The following HNRNPM variants were observed in gnomAD, a reference collection of about 807,000 sequenced individuals.
HNRNPM encodes the protein CEA receptor.
In HNRNPM, 11 loss-of-function variants were observed where a neutral mutation model predicts 73.1. The observed-to-expected ratio is 0.15, with a 90% CI of 0.09 to 0.25. The LOEUF (loss-of-function observed/expected upper bound fraction) is 0.25. Ranked by LOEUF, HNRNPM falls within the 10% of genes least tolerant of loss-of-function variation. HNRNPM has a pLI of 1.00. For synonymous variants in HNRNPM, 407 were observed against 355.2 expected, an observed-to-expected ratio of 1.15 and a Z score of -1.64; for missense variants, 789 against 1,067.9, an observed-to-expected ratio of 0.74 and a Z score of 3.64.
intron 13 of HNRNPM, 40 bp from the exon 14 acceptor site, chr19:8,485,563 A>C: frequency 1.9e-6 from 3 of 1,572,524 alleles, no homozygotes; most frequent in Non-Finnish European, 2.6e-6. Context: ...CGCACACTCA[A>C]GTTCTTGACA....
intron 12 of HNRNPM, among the ~76,000 whole-genome samples, chr19:8,476,196 G>A (rs934171260): frequency 9.2e-5 from 14 of 152,064 alleles, no homozygotes; most frequent in Non-Finnish European, 5.9e-5. Context: ...TCTGAGATAC[G>A]GCACTCGGAG....
chr19:8,463,314 A>G (rs1969514480), intron 3 of HNRNPM, among the ~76,000 whole-genome samples, 183 bp from the exon 4 acceptor site: 1 of 152,254 alleles, frequency 6.6e-6, no homozygotes, highest in Non-Finnish European at 1.5e-5. Context: ...CCAGCTTTTA[A>G]CAAGGAAGGC....
At position 8,471,351 on chromosome 19, in the gene HNRNPM, G is replaced by A. The variant is rs780563281; in HGVS notation, c.921G>A (p.Gly307=). 42 of 1,603,294 alleles carry A rather than the reference G, an allele frequency of 2.6e-5. No homozygotes were observed. Among genetic ancestry groups the A allele is most frequent in the Non-Finnish European group, 3.5e-5 (41 of 1,175,084 alleles). The stretch of plus-strand genomic sequence containing the variant: ...ATGGCCTTGGTGGTATTGGCATGGG[G>A]TTAGGACCAGGAGGGCAACCCATTG... ...LPHGLGGIGM[G]LGPGGQPIDA... Residue 307 remains glycine (G), a synonymous_variant, in exon 10 of 16, where the codon GGG becomes GGA. Coordinates refer to ENST00000325495, the MANE Select transcript of HNRNPM (RefSeq NM_005968.5).
intron 2 of HNRNPM, among the ~76,000 whole-genome samples, chr19:8,461,540 TG>T (rs1393464212): frequency 3.3e-5 from 5 of 152,216 alleles, no homozygotes. Context: ...GCAGCCATTT[TG>T]GTGGTTGTCT....
At chr19:8,471,482 T>A in intron 10 of HNRNPM, 55 bp downstream of exon 10, 1 of 1,097,880 alleles carries the variant, frequency 9.1e-7, no homozygotes, top group South Asian at 1.5e-5. Context: ...AATTATTAAT[T>A]ATTGGGACAA....
chr19:8,488,761 G>A lies in HNRNPM; in HGVS notation c.2100G>A (p.Glu700=), dbSNP rs184627584. The change falls in exon 16 of 16, where the codon GAG becomes GAA. Residue 700 remains glutamate, a synonymous_variant. Transcript: ENST00000325495. ...AGGGGTGTGGCGTGGTTAAGTTCGA[G>A]TCGCCAGAGGTGGCCGAGAGAGCCT... The part of the protein sequence containing the change: ...KSKGCGVVKF[E]SPEVAERACR... 9.4e-5 allele frequency: 151 copies of A among 1,614,196 alleles called. 1 individual carries two copies. In the Middle Eastern group the frequency reaches 3.8e-3, roughly 41 times the overall value.
At chr19:8,485,381 T>C (rs756115444) in intron 13 of HNRNPM, among the ~76,000 whole-genome samples, 63 of 152,198 alleles carry the variant, frequency 4.1e-4, no homozygotes, top group Non-Finnish European at 8.2e-4. Flanking sequence ...AGTTGTGTTA[T>C]GGAAATCTCA....
intron 14 of HNRNPM, 36 bp from the exon 15 acceptor site, chr19:8,486,988 A>G (rs762568550): frequency 1.3e-6 from 2 of 1,571,928 alleles, no homozygotes; most frequent in Non-Finnish European, 1.8e-6. Flanking sequence ...ATTTGGTTTA[A>G]TCACGCATCA....
chr19:8,486,250 G>A lies in HNRNPM; in HGVS notation c.1822G>A (p.Gly608Ser). 6.2e-7 allele frequency: 1 copy of A among 1,603,266 alleles called. No homozygotes were observed. Among genetic ancestry groups the A allele is most frequent in the Non-Finnish European group, 8.5e-7 (1 of 1,179,652 alleles). Residue 608 changes from glycine (G) to serine (S), a missense_variant, in exon 14 of 16, where the codon GGC becomes AGC. By Grantham distance (56) the Gly-to-Ser change is moderately conservative (BLOSUM62 0). Transcript: ENST00000325495. Reference protein sequence around the residue: ...PALGAGIERMGLAMGGGGGAS... With the variant: ...PALGAGIERMSLAMGGGGGAS... ...CCTGGGCGCTGGCATTGAGCGCATG[G>A]GCCTGGCCATGGGTGGCGGTGGCGG...
intron 5 of HNRNPM, 28 bp downstream of exon 5, chr19:8,463,714 CTGTG>C: frequency 7.0e-7 from 1 of 1,437,136 alleles, no homozygotes; most frequent in Middle Eastern, 1.8e-4. Flanking sequence ...ACTGCGGATA[CTGTG>C]TGTAATTGTT....
intron 2 of HNRNPM, among the ~76,000 whole-genome samples, chr19:8,461,514 G>A (rs1307137142): frequency 6.6e-6 from 1 of 152,078 alleles, no homozygotes; most frequent in Non-Finnish European, 1.5e-5. Flanking sequence ...TTTTCTGTGT[G>A]CCATCTTCAA....
intron 1 of HNRNPM, among the ~76,000 whole-genome samples, chr19:8,454,140 A>G (rs1211536858): frequency 6.6e-6 from 1 of 152,212 alleles, no homozygotes; most frequent in Non-Finnish European, 1.5e-5. Context: ...TTAAGTGTGC[A>G]GTGAAGTATG....
At chr19:8,463,545 A>G (rs1288958795) in intron 4 of HNRNPM, 41 bp downstream of exon 4, 32 of 1,613,126 alleles carry the variant, frequency 2.0e-5, no homozygotes, top group Non-Finnish European at 2.5e-5. Flanking sequence ...TGAGCCTTCT[A>G]ACTTGTAGGA....
rs1269579606 is a variant in HNRNPM at position 8,466,271 on chromosome 19, G to A, written c.667G>A (p.Val223Ile). 3.1e-6 allele frequency: 5 copies of A among 1,613,842 alleles called. No individual in the cohort carries two copies. The highest frequency in any genetic ancestry group is 2.2e-5 in the East Asian group (1 of 44,882). The change falls in exon 7 of 16, where the codon GTA becomes ATA. Residue 223 changes from valine to isoleucine, a missense_variant. This residue lies in a region of HNRNPM where 604 missense variants were observed against 744.0 expected (regional missense o/e 0.81). Transcript: ENST00000325495. The part of the protein sequence containing the change: ...YKVGWKKLKE[V>I]FSMAGVVVRA... ...AGTTGGCTGGAAGAAACTGAAGGAA[G>A]TATTTAGTATGGCTGGTGTGGTGGT...
chr19:8,479,544 C>T (rs1970755596), intron 12 of HNRNPM, among the ~76,000 whole-genome samples: 3 of 151,972 alleles, frequency 2.0e-5, no homozygotes, highest in Admixed American at 2.0e-4. Flanking sequence ...CTCACTGTAG[C>T]AGGCTGAAGC....
chr19:8,463,916 G>A (rs543153329), intron 5 of HNRNPM: 14 of 499,774 alleles, frequency 2.8e-5, no homozygotes, highest in Non-Finnish European at 4.0e-5. Flanking sequence ...TAATATCTGT[G>A]ATTTGTCTGA....
chr19:8,448,473 ATT>A (rs33965463), intron 1 of HNRNPM, among the ~76,000 whole-genome samples: 389 of 142,578 alleles, frequency 2.7e-3, no homozygotes, highest in Non-Finnish European at 3.8e-3. Context: ...TTCCTGAGTA[ATT>A]TTTTTTTTTT....
chr19:8,486,101 T>C lies in HNRNPM; in HGVS notation c.1673T>C (p.Met558Thr). The change falls in exon 14 of 16, where the codon ATG (methionine) becomes ACG (threonine). Residue 558 changes from methionine to threonine, a missense_variant. By Grantham distance (81) the Met-to-Thr change is moderately conservative. Coordinates refer to ENST00000325495, the MANE Select transcript of HNRNPM (RefSeq NM_005968.5). ...MDRMATGLER[M>T]GANNLERMGL... ...CGCATGGCCACCGGCCTGGAGCGCA[T>C]GGGCGCCAACAATCTGGAGCGGATG... 1.2e-6 allele frequency: 2 copies of C among 1,605,300 alleles called. No homozygotes were observed. The highest frequency in any genetic ancestry group is 4.5e-5 in the East Asian group (2 of 44,716).
At chr19:8,483,096 G>T in intron 12 of HNRNPM, 62 bp from the exon 13 acceptor site, 1 of 1,022,698 alleles carries the variant, frequency 9.8e-7, no homozygotes, top group South Asian at 1.3e-5. Context: ...AATCTGTAAT[G>T]AGCACATTTC....
Sources: allele counts gnomAD v4.1 joint callset (sites outside exome capture counted in the v4.1 genomes callset), GRCh38; gene constraint gnomAD v4.1.1; regional missense constraint gnomAD v4.1.1; transcripts MANE v1.5; gene names NCBI Gene and HGNC (gene_info 2026-07-23, HGNC 2026-07-21).